Variants in CLDN14 observed in about 807,000 individuals in gnomAD.
CLDN14 encodes the protein claudin-14.
CLDN14 carries 2 observed loss-of-function variants against 2.1 expected under a neutral mutation model. That is an observed-to-expected ratio of 0.96 (90% CI 0.39 to 3.01). The LOEUF is 3.01. Among genes scored for constraint, CLDN14 ranks in the 30% most tolerant of loss-of-function variants. The pLI is 0.09. For missense variants in CLDN14, 298 were observed against 328.0 expected (o/e 0.91, Z 0.71); for synonymous variants, 136 against 154.4 (o/e 0.88, Z 0.88).
At chr21:36,480,533 A>G (rs1318043465), upstream of CLDN14, 2 of 152,134 alleles carry the variant, frequency 1.3e-5, no homozygotes, top group African/African-American at 2.4e-5. Context: ...TCGCTGATTA[A>G]GAGATGTTTG....
At chr21:36,534,075 A>T (rs1434040925) in intron 1 of CLDN14, among the ~76,000 whole-genome samples, 1 of 152,112 alleles carries the variant, frequency 6.6e-6, no homozygotes, top group Non-Finnish European at 1.5e-5. Context: ...GCAATAGCTT[A>T]GTTCACTGGA....
At chr21:36,489,584 T>TG (rs2086940596) in intron 2 of CLDN14, among the ~76,000 whole-genome samples, 1 of 152,076 alleles carries the variant, frequency 6.6e-6, no homozygotes, top group African/African-American at 2.4e-5. Flanking sequence ...CAGGGCCTGG[T>TG]GGGGGGCCGG....
chr21:36,467,646 T>C (rs1323167656), intron 1 of CLDN14, among the ~76,000 whole-genome samples: 3 of 149,376 alleles, frequency 2.0e-5, no homozygotes, highest in Non-Finnish European at 4.4e-5. Flanking sequence ...GTTTAATGGA[T>C]GCTGCATATG....
At chr21:36,514,449 G>A (rs1374067014) in intron 1 of CLDN14, among the ~76,000 whole-genome samples, 7 of 152,146 alleles carry the variant, frequency 4.6e-5, no homozygotes, top group Non-Finnish European at 8.8e-5. Flanking sequence ...TCCACAGTGC[G>A]CCAGAAGCAA....
intron 1 of CLDN14, among the ~76,000 whole-genome samples, chr21:36,523,127 G>A (rs139075478): frequency 2.6e-5 from 4 of 152,186 alleles, no homozygotes; most frequent in Non-Finnish European, 4.4e-5. Context: ...AAGCTTGATT[G>A]TCTGCGCCCA....
chr21:36,568,862 G>A (rs2087690245), intron 1 of CLDN14, among the ~76,000 whole-genome samples: 1 of 152,198 alleles, frequency 6.6e-6, no homozygotes. Flanking sequence ...CCATTTGTAT[G>A]GCATTGACTG....
At chr21:36,489,147 T>A (rs1389360483) in intron 2 of CLDN14, among the ~76,000 whole-genome samples, 1 of 130,896 alleles carries the variant, frequency 7.6e-6, no homozygotes, top group African/African-American at 3.0e-5. Flanking sequence ...TATATATATA[T>A]ATATATATAT....
At chr21:36,569,135 C>T (rs1056995546) in intron 1 of CLDN14, among the ~76,000 whole-genome samples, 9 of 152,142 alleles carry the variant, frequency 5.9e-5, no homozygotes, top group African/African-American at 4.8e-5. Flanking sequence ...TAAATAGTCT[C>T]GGGGTGGGGG....
chr21:36,486,455 A>G, intron 2 of CLDN14: 1 of 1,519,620 alleles, frequency 6.6e-7, no homozygotes, highest in Non-Finnish European at 9.1e-7. Flanking sequence ...GGCCAAGGCC[A>G]GCTGAGGATC....
chr21:36,552,564 A>T (rs1014207552), intron 1 of CLDN14, among the ~76,000 whole-genome samples: 3 of 152,344 alleles, frequency 2.0e-5, no homozygotes, highest in African/African-American at 7.2e-5. Flanking sequence ...AGAGATGGCC[A>T]TGGTTGGGTT....
Position 36,544,455 on chromosome 21 carries a change from T to C in CLDN14, c.-220+31956A>G, listed in dbSNP as rs1188229839. ...AGTTCTCCCAGGCCTCAGACAGTCA[T>C]CCCTGCCTGCAGCTATTGACTGTTT... On this transcript the variant is annotated intron_variant, in intron 1 of 2. Transcript: ENST00000342108. The surrounding 1 kb of genome is among the most constrained non-coding windows in gnomAD (Gnocchi z 4.1). 6.6e-6 allele frequency among the ~76,000 whole-genome samples: 1 copy of C among 152,188 alleles called. No homozygotes were observed. The highest frequency in any genetic ancestry group is 2.4e-5 in the African/African-American group (1 of 41,446).
At chr21:36,571,791 G>A (rs1419424383) in intron 1 of CLDN14, among the ~76,000 whole-genome samples, 3 of 152,258 alleles carry the variant, frequency 2.0e-5, no homozygotes, top group Middle Eastern at 3.4e-3. Flanking sequence ...GATAGTGCTG[G>A]TACCGGTAAG....
intron 2 of CLDN14, among the ~76,000 whole-genome samples, chr21:36,489,039 G>T (rs1372080753): frequency 6.7e-6 from 1 of 149,910 alleles, no homozygotes; most frequent in Non-Finnish European, 1.5e-5. Context: ...GAACCTGAGA[G>T]GTGGAAGTTG....
chr21:36,467,807 T>C (rs2086664886), intron 1 of CLDN14, among the ~76,000 whole-genome samples: 1 of 152,184 alleles, frequency 6.6e-6, no homozygotes. Flanking sequence ...TGGACACACA[T>C]TGCTCCGTGG....
At chr21:36,518,658 A>G (rs2087246963) in intron 1 of CLDN14, among the ~76,000 whole-genome samples, 1 of 148,322 alleles carries the variant, frequency 6.7e-6, no homozygotes, top group South Asian at 2.2e-4. Flanking sequence ...TAGGACTCTA[A>G]TTCAATAAAT....
At chr21:36,467,351 A>G (rs1451694018) in intron 1 of CLDN14, among the ~76,000 whole-genome samples, 3 of 152,194 alleles carry the variant, frequency 2.0e-5, no homozygotes, top group Admixed American at 6.5e-5. Context: ...CCTGGCCAGG[A>G]CTGAGGGGTG....
At position 36,475,353 on chromosome 21, in the gene CLDN14, G is replaced by A. The variant is rs187815538; in HGVS notation, c.-82+4142C>T. 2.0e-4 allele frequency among the ~76,000 whole-genome samples: 31 copies of A among 152,322 alleles called. No individual in the cohort carries two copies. The South Asian group carries it at 4.4e-3, about 21-fold the overall frequency. ...ACAATAGAGAAGGTCTGTTCATCGT[G>A]GAGAAGTCACCTGGATCAGTGGCTC... On this transcript the variant is annotated intron_variant, in intron 1 of 1. Transcript: ENST00000399135.
At chr21:36,561,102 A>G (rs1489068772) in intron 1 of CLDN14, among the ~76,000 whole-genome samples, 24 of 152,204 alleles carry the variant, frequency 1.6e-4, no homozygotes, top group Non-Finnish European at 1.5e-5. Flanking sequence ...TACCTTTTTC[A>G]TCCCATGCCG....
At chr21:36,488,220 C>CCGTTCCTTCCTTCCTTCCTTCCTT (rs2086917554) in intron 2 of CLDN14, among the ~76,000 whole-genome samples, 3 of 97,238 alleles carry the variant, frequency 3.1e-5, no homozygotes, top group Non-Finnish European at 6.2e-5. Context: ...ACTGTGATTC[C>CCGTTCCTTCCTTCCTTCCTTCCTT]CCTTCCTTCC....
Sources: gnomAD v4.1 joint callset for allele counts (sites outside exome capture counted in the v4.1 genomes callset) on GRCh38, gnomAD v4.1.1 for gene constraint, Gnocchi (gnomAD v3.1) non-coding constraint, MANE v1.5 for transcripts, NCBI Gene and HGNC (gene_info 2026-07-23, HGNC 2026-07-21) for gene names.